The following ADAMTSL4 variants were observed in gnomAD, a reference collection of about 807,000 sequenced individuals.
ADAMTSL4 encodes the protein ADAMTS like 4, also known as ADAMTS-like protein 4.
Under a neutral mutation model 122.8 loss-of-function variants are expected in ADAMTSL4, and 97 were observed. That is an observed-to-expected ratio of 0.79 (90% CI 0.67 to 0.93). The LOEUF (loss-of-function observed/expected upper bound fraction) is 0.93, where lower values mean the gene tolerates loss of function less well. ADAMTSL4 is among the 40% of genes least tolerant of loss of function. The pLI, the probability that ADAMTSL4 is intolerant of heterozygous loss-of-function variation, is 0.00. For missense variants in ADAMTSL4, 1,408 were observed against 1,453.5 expected (o/e 0.97, Z 0.51); for synonymous variants, 592 against 568.0 (o/e 1.04, Z -0.60).
At chr1:150,558,310 TG>T in intron 14 of ADAMTSL4, 161 bp downstream of exon 14, 2 of 1,509,748 alleles carry the variant, frequency 1.3e-6, no homozygotes. Context: ...AACCAGGGAC[TG>T]GGGGCCCAGG....
Position 150,558,565 on chromosome 1 carries a change from A to G in ADAMTSL4, c.2475A>G (p.Ser825=). 2.5e-6 allele frequency: 4 copies of G among 1,613,854 alleles called. No individual in the cohort carries two copies. Among genetic ancestry groups the G allele is most frequent in the Non-Finnish European group, 3.4e-6 (4 of 1,179,926 alleles). The change falls in exon 15 of 19, where the codon TCA becomes TCG. Residue 825 remains serine (S), a synonymous_variant. Transcript: ENST00000271643. Reference sequence around the variant, plus strand: ...AAGTGAGCGAGCAGGAGTGTGCGTCAGGCCCCCCGCAGCCCCCCAGCAGAG... The same window carrying G: ...AAGTGAGCGAGCAGGAGTGTGCGTCGGGCCCCCCGCAGCCCCCCAGCAGAG... ...GDEVSEQECA[S]GPPQPPSREA...
At position 150,556,169 on chromosome 1, in the gene ADAMTSL4, G is replaced by A. The variant is rs145602875; in HGVS notation, c.1379G>A (p.Gly460Asp). Residue 460 changes from glycine to aspartate, a missense_variant, in exon 9 of 19, where the codon GGC becomes GAC. Physicochemically the swap from Gly to Asp is moderately conservative, Grantham distance 94 (BLOSUM62 -1). Coordinates refer to ENST00000271643, the MANE Select transcript of ADAMTSL4 (RefSeq NM_019032.6). The surrounding 1 kb of genome is among the most constrained non-coding windows in gnomAD (Gnocchi z 4.1). Reference protein sequence around the residue: ...ICVAGRCLSPGCDGILGSGRR... With the variant: ...ICVAGRCLSPDCDGILGSGRR... ...TCACCTCACTCTCTCCAGAGCCCCG[G>A]CTGTGATGGGATCCTTGGCTCTGGC... 22 of 1,614,106 alleles carry A rather than the reference G, an allele frequency of 1.4e-5. No homozygotes were observed. Among genetic ancestry groups the A allele is most frequent in the Non-Finnish European group, 1.9e-5 (22 of 1,180,010 alleles).
At chr1:150,550,813 A>C in intron 2 of ADAMTSL4, 1 of 456,152 alleles carries the variant, frequency 2.2e-6, no homozygotes. Context: ...AGCCACTCTG[A>C]CCCCTCCCTC....
chr1:150,560,038 C>G lies in ADAMTSL4; in HGVS notation c.3089-22C>G, dbSNP rs771864263. On this transcript the variant is annotated intron_variant, in intron 18 of 18. Coordinates refer to ENST00000271643, the MANE Select transcript of ADAMTSL4 (RefSeq NM_019032.6). The stretch of plus-strand genomic sequence containing the variant: ...TGGGTCCTGGTGACTCTCTTGTGCC[C>G]ACTGGCCTCCTCTGTCCCCAGATGA... 27 of 1,613,964 alleles carry G rather than the reference C, an allele frequency of 1.7e-5. No individual in the cohort carries two copies. The Admixed American group carries it at 4.5e-4, about 27-fold the overall frequency.
At position 150,553,844 on chromosome 1, in the gene ADAMTSL4, A is replaced by G; in HGVS notation, c.853A>G (p.Ser285Gly). ...FRASPQPRRPSSQGWASPQVA... is the reference protein window; with the variant it reads ...FRASPQPRRPGSQGWASPQVA... ...TGCATCCCCTCAGCCACGAAGGCCA[A>G]GTTCCCAGGGTTGGGCCAGTCCCCA... The change falls in exon 6 of 19, where the codon AGT becomes GGT. Residue 285 changes from serine (S) to glycine (G), a missense_variant. Ser to Gly is a moderately conservative substitution (Grantham distance 56). Coordinates refer to ENST00000271643, the MANE Select transcript of ADAMTSL4 (RefSeq NM_019032.6). The G allele has an allele frequency of 6.2e-7, 1 of 1,614,088 alleles. No homozygotes were observed. The highest frequency in any genetic ancestry group is 8.5e-7 in the Non-Finnish European group (1 of 1,180,000).
intron 2 of ADAMTSL4, chr1:150,551,374 G>A (rs1450279461): frequency 3.7e-6 from 1 of 270,874 alleles, no homozygotes. Context: ...AAGTGTATGA[G>A]ATGTGCCTGG....
In ADAMTSL4 at chr1:150,556,590, AATTTCCCG is replaced by A. The variant is rs757390401; in HGVS notation, c.1577-28_1577-21del. 6.2e-7 allele frequency: 1 copy of A among 1,613,552 alleles called. No homozygotes were observed. Among genetic ancestry groups the A allele is most frequent in the East Asian group, 2.2e-5 (1 of 44,830 alleles). On this transcript the variant is annotated intron_variant, in intron 9 of 18. Coordinates refer to ENST00000271643, the MANE Select transcript of ADAMTSL4 (RefSeq NM_019032.6). The surrounding 1 kb of genome is among the most constrained non-coding windows in gnomAD (Gnocchi z 4.1). The stretch of plus-strand genomic sequence containing the variant: ...GAGGAGGAAGGTATTATCACCCTGG[AATTTCCCG>A]ATCTCTCACCTCTGACCCGCAGCAC...
intron 14 of ADAMTSL4, 53 bp downstream of exon 14, chr1:150,558,202 C>T (rs1672402214): frequency 2.1e-5 from 33 of 1,606,582 alleles, no homozygotes; most frequent in Non-Finnish European, 2.7e-5. Flanking sequence ...CACAGGTGAA[C>T]AACAGCAGTG....
In ADAMTSL4 at chr1:150,554,121, C is replaced by G. The variant is rs756900218; in HGVS notation, c.1130C>G (p.Ala377Gly). The change falls in exon 6 of 19, where the codon GCG (alanine) becomes GGG (glycine). Residue 377 changes from alanine to glycine, a missense_variant and splice_region_variant. Ala to Gly is a moderately conservative substitution (Grantham distance 60). Transcript: ENST00000271643. The surrounding 1 kb of genome is among the most constrained non-coding windows in gnomAD (Gnocchi z 4.0). ...GAACAGCTAAGAGCCTGCAGCCAAG[C>G]GGTGAGTCTCCTCGGGCCTCCCCTC... is the stretch of plus-strand genomic sequence containing the variant. The part of the protein sequence containing the change: ...ESEQLRACSQ[A>G]PCPPEQPDPR... 1.3e-6 allele frequency: 2 copies of G among 1,599,078 alleles called. No individual in the cohort carries two copies. The highest frequency in any genetic ancestry group is 1.7e-6 in the Non-Finnish European group (2 of 1,179,902).
In ADAMTSL4 at chr1:150,559,324, A is replaced by C; in HGVS notation, c.2801A>C (p.Asp934Ala). The change falls in exon 17 of 19, where the codon GAC becomes GCC. Residue 934 changes from aspartate to alanine, a missense_variant. Physicochemically the swap from Asp to Ala is moderately radical, Grantham distance 126. Transcript: ENST00000271643. This position sits in a 1 kb window ranked among gnomAD's most constrained non-coding sequence, Gnocchi z 4.1. Reference protein sequence around the residue: ...SECGSGTQRRDIICVSKLGTE... With the variant: ...SECGSGTQRRAIICVSKLGTE... ...TGTGGCTCTGGCACACAGCGTAGAG[A>C]CATCATCTGTGTATCCAAACTGGGG... is the stretch of plus-strand genomic sequence containing the variant. 6.2e-7 allele frequency: 1 copy of C among 1,613,882 alleles called. No individual in the cohort carries two copies. Among genetic ancestry groups the C allele is most frequent in the Non-Finnish European group, 8.5e-7 (1 of 1,179,974 alleles).
At chr1:150,553,385 G>T in intron 5 of ADAMTSL4, 41 bp from the exon 6 acceptor site, 1 of 1,610,310 alleles carries the variant, frequency 6.2e-7, no homozygotes, top group Non-Finnish European at 8.5e-7. Flanking sequence ...AGGGTCAGAG[G>T]TGGTCAGAGC....
chr1:150,552,332 G>T lies in ADAMTSL4; in HGVS notation c.20+24G>T, dbSNP rs369767117. On this transcript the variant is annotated intron_variant, in intron 3 of 18. Transcript: ENST00000271643. The surrounding 1 kb of genome is among the most constrained non-coding windows in gnomAD (Gnocchi z 4.0). Reference sequence around the variant, plus strand: ...AGGTGAGAGAAGGGGCCACGGGTTGGGGGGGAGGAAAAGGGGAGGTGCTGG... The same window carrying T: ...AGGTGAGAGAAGGGGCCACGGGTTGTGGGGGAGGAAAAGGGGAGGTGCTGG... 5.2e-5 allele frequency: 81 copies of T among 1,554,676 alleles called. No individual in the cohort carries two copies. Among genetic ancestry groups the T allele is most frequent in the African/African-American group, 1.5e-4 (11 of 73,450 alleles).
rs940881973 is a variant in ADAMTSL4, at chr1:150,554,949, G to A, written c.1235-480G>A. Among the ~76,000 whole-genome samples the A allele has an allele frequency of 5.3e-5, 8 of 150,780 alleles. No individual in the cohort carries two copies. Among genetic ancestry groups the A allele is most frequent in the African/African-American group, 7.3e-5 (3 of 40,934 alleles). ...GGGATTGCTCCTCTCTCAGTTCAGA[G>A]TCCCCTTGATGGTCTCGGTGACCTC... is the stretch of plus-strand genomic sequence containing the variant. On this transcript the variant is annotated intron_variant, in intron 7 of 18. Transcript: ENST00000271643. This position sits in a 1 kb window ranked among gnomAD's most constrained non-coding sequence, Gnocchi z 4.0.
rs773684053 is a variant in ADAMTSL4 at position 150,556,711 on chromosome 1, G to A, written c.1667G>A (p.Arg556Gln). ...TACAGGGCCGGCGGGACCGTCTTTC[G>A]ATATAACCGTCCTCCCAGGGAGGAG... ...GSYRAGGTVFRYNRPPREEGK... is the reference protein window; with the variant it reads ...GSYRAGGTVFQYNRPPREEGK... The change falls in exon 10 of 19, where the codon CGA becomes CAA. Residue 556 changes from arginine to glutamine, a missense_variant. Physicochemically the swap from Arg to Gln is conservative, Grantham distance 43. Transcript: ENST00000271643. This position sits in a 1 kb window ranked among gnomAD's most constrained non-coding sequence, Gnocchi z 4.1. 2.5e-6 allele frequency: 4 copies of A among 1,614,000 alleles called. No homozygotes were observed. The highest frequency in any genetic ancestry group is 2.2e-5 in the East Asian group (1 of 44,870).
At chr1:150,555,383 C>T in intron 7 of ADAMTSL4, 46 bp from the exon 8 acceptor site, 1 of 1,611,830 alleles carries the variant, frequency 6.2e-7, no homozygotes, top group Non-Finnish European at 8.5e-7. Context: ...CTCAGCTAAC[C>T]TCCCACCAGG....
At position 150,552,784 on chromosome 1, in the gene ADAMTSL4, G is replaced by C; in HGVS notation, c.79-114G>C. 1 of 1,324,802 alleles carries C rather than the reference G, an allele frequency of 7.5e-7. No homozygotes were observed. The highest frequency in any genetic ancestry group is 2.3e-5 in the East Asian group (1 of 43,340). The allele number at this position is 1,324,802 out of a possible 1,614,324, so 82.1% of individuals were successfully genotyped here. On this transcript the variant is annotated intron_variant, in intron 4 of 18. Coordinates refer to ENST00000271643, the MANE Select transcript of ADAMTSL4 (RefSeq NM_019032.6). The surrounding 1 kb of genome is among the most constrained non-coding windows in gnomAD (Gnocchi z 4.0). ...GAGGTGTAGTTCTCCCTCTGCTGCT[G>C]AATGTGACCTTGGACTGGTAGCGAC...
At position 150,553,680 on chromosome 1, in the gene ADAMTSL4, C is replaced by T. The variant is rs898476873; in HGVS notation, c.689C>T (p.Pro230Leu). The T allele has an allele frequency of 3.1e-6, 5 of 1,613,256 alleles. No individual in the cohort carries two copies. The highest frequency in any genetic ancestry group is 4.2e-6 in the Non-Finnish European group (5 of 1,179,786). Residue 230 changes from proline (P) to leucine (L), a missense_variant, in exon 6 of 19, where the codon CCT becomes CTT. By Grantham distance (98) the Pro-to-Leu change is moderately conservative. Coordinates refer to ENST00000271643, the MANE Select transcript of ADAMTSL4 (RefSeq NM_019032.6). ...SVHTPSPQAE[P>L]LSPETAQTEV... ...CACACCCCATCCCCCCAAGCAGAACCTCTAAGCCCTGAAACTGCTCAGACA... is the reference window on the plus strand; with the variant it reads ...CACACCCCATCCCCCCAAGCAGAACTTCTAAGCCCTGAAACTGCTCAGACA...
chr1:150,558,664 C>T lies in ADAMTSL4; in HGVS notation c.2559+15C>T. 2 of 1,613,960 alleles carry T rather than the reference C, an allele frequency of 1.2e-6. No homozygotes were observed. Among genetic ancestry groups the T allele is most frequent in the Non-Finnish European group, 1.7e-6 (2 of 1,180,006 alleles). ...GGAGCTCCAAGGTGAGCCCGGAACC[C>T]CCAGCCATATCCTGCATCCTGGGTA... On this transcript the variant is annotated intron_variant, in intron 15 of 18. Transcript: ENST00000271643.
In ADAMTSL4 at chr1:150,555,561, G is replaced by C. The variant is rs1671944924; in HGVS notation, c.1367G>C (p.Cys456Ser). The C allele has an allele frequency of 1.2e-6, 2 of 1,613,968 alleles. No homozygotes were observed. Among genetic ancestry groups the C allele is most frequent in the Non-Finnish European group, 1.7e-6 (2 of 1,180,032 alleles). The change falls in exon 8 of 19, where the codon TGT becomes TCT. Residue 456 changes from cysteine (C) to serine (S), a missense_variant. Cys to Ser is a moderately radical substitution (Grantham distance 112). Transcript: ENST00000271643. ...GAPDICVAGR[C>S]LSPGCDGILG... ...CCTGACATCTGTGTGGCTGGACGCTGTCTGGTGAGGGAAGACAGTGTGTGT... is the reference window on the plus strand; with the variant it reads ...CCTGACATCTGTGTGGCTGGACGCTCTCTGGTGAGGGAAGACAGTGTGTGT...
Sources: allele counts gnomAD v4.1 joint callset (sites outside exome capture counted in the v4.1 genomes callset), GRCh38; gene constraint gnomAD v4.1.1; non-coding constraint Gnocchi (gnomAD v3.1); transcripts MANE v1.5; gene names NCBI Gene and HGNC (gene_info 2026-07-23, HGNC 2026-07-21).